ZBBX: variants seen among roughly 807,000 people sequenced by gnomAD.
ZBBX encodes the protein zinc finger B-box domain containing.
Under a neutral mutation model 108.5 loss-of-function variants are expected in ZBBX, and 101 were observed. The ratio of observed to expected loss-of-function variants is 0.93; its 90% CI spans 0.79 to 1.10. The LOEUF (loss-of-function observed/expected upper bound fraction) is 1.10, where lower values mean the gene tolerates loss of function less well. Among genes scored for constraint, ZBBX ranks in the 50% least tolerant of loss-of-function variants. ZBBX has a pLI of 0.00. For missense variants in ZBBX, 1,009 were observed against 941.4 expected (o/e 1.07, Z -0.94); for synonymous variants, 356 against 323.4 (o/e 1.10, Z -1.08).
chr3:167,360,550 A>T (rs1240789505), intron 7 of ZBBX, 125 bp downstream of exon 7: 18 of 483,202 alleles, frequency 3.7e-5, no homozygotes, highest in Non-Finnish European at 5.7e-5. Flanking sequence ...TCAATGTGTC[A>T]TGATTTGGGG....
At chr3:167,286,715 T>G (rs1000711548) in intron 19 of ZBBX, among the ~76,000 whole-genome samples, 6 of 152,136 alleles carry the variant, frequency 3.9e-5, no homozygotes, top group Non-Finnish European at 5.9e-5. Context: ...AATTTCAGAC[T>G]TAATCAATGT....
the ZBBX span, among the ~76,000 whole-genome samples, chr3:167,222,612 G>A: frequency 6.6e-6 from 1 of 151,730 alleles, no homozygotes; most frequent in African/African-American, 2.4e-5. Context: ...AAATGATTGA[G>A]GTGATGAATA....
At chr3:167,386,257 G>T (rs1035084776) in intron 1 of ZBBX, among the ~76,000 whole-genome samples, 10 of 152,012 alleles carry the variant, frequency 6.6e-5, no homozygotes, top group Admixed American at 5.2e-4. Context: ...CTGAAGACTA[G>T]CTACATCCAA....
At chr3:167,291,603 A>G (rs1266070665) in intron 18 of ZBBX, among the ~76,000 whole-genome samples, 1 of 152,174 alleles carries the variant, frequency 6.6e-6, no homozygotes, top group Non-Finnish European at 1.5e-5. Context: ...GCAAAAACCT[A>G]CCAAATTGTA....
At position 167,396,492 on chromosome 3, in the gene ZBBX, G is replaced by A. The variant is rs7630615; in HGVS notation, c.-446+11234C>T. Among the ~76,000 whole-genome samples the A allele has an allele frequency of 4.5e-3, 691 of 152,138 alleles. 4 individuals carry two copies. The highest frequency in any genetic ancestry group is 0.016 in the African/African-American group (655 of 41,544). The stretch of plus-strand genomic sequence containing the variant: ...TCTGCCGGCATTAGATTGAGCACTA[G>A]CAGGGAGAAATTAGCAGTAAAAATG... On this transcript the variant is annotated intron_variant, in intron 1 of 21. Transcript: ENST00000455345.
intron 10 of ZBBX, among the ~76,000 whole-genome samples, chr3:167,328,947 T>G (rs896679488): frequency 6.6e-6 from 1 of 152,230 alleles, no homozygotes; most frequent in African/African-American, 2.4e-5. Flanking sequence ...GTTTATTTAT[T>G]GCCTGTCCTT....
chr3:167,324,698 C>T (rs1737057086), intron 11 of ZBBX, among the ~76,000 whole-genome samples: 1 of 152,254 alleles, frequency 6.6e-6, no homozygotes, highest in East Asian at 1.9e-4. Context: ...TGTGTGCCAA[C>T]ACCTGGCCTC....
intron 4 of ZBBX, 52 bp from the exon 5 acceptor site, chr3:167,368,626 A>C (rs1422327679): frequency 7.0e-7 from 1 of 1,427,050 alleles, no homozygotes; most frequent in African/African-American, 1.5e-5. Context: ...CGAAGCCAAA[A>C]TAATTTTATA....
At chr3:167,380,866 GCACACA>G (rs59349359), upstream of ZBBX, among the ~76,000 whole-genome samples, 1,666 of 141,412 alleles carry the variant, frequency 0.012, 16 homozygotes, top group South Asian at 0.046. Flanking sequence ...GCAAATATAT[GCACACA>G]CACACACACA....
rs1746356566 is a variant in ZBBX at position 167,372,850 on chromosome 3, C to T, written c.52G>A (p.Val18Ile). ...VLPWGKPGNS[V>I]KLKYRNAQEL... ...TGAACTCACCTATATTTTAGCTTTA[C>T]AGAATTTCCAGGTTTTCCCCATGGA... is the stretch of plus-strand genomic sequence containing the variant. Residue 18 changes from valine to isoleucine, a missense_variant, in exon 4 of 22, where the codon GTA becomes ATA. Physicochemically the swap from Val to Ile is conservative, Grantham distance 29. Transcript: ENST00000675490. The T allele has an allele frequency of 6.3e-7, 1 of 1,577,314 alleles. No individual in the cohort carries two copies. Among genetic ancestry groups the T allele is most frequent in the Non-Finnish European group, 8.7e-7 (1 of 1,152,006 alleles).
intron 20 of ZBBX, among the ~76,000 whole-genome samples, chr3:167,259,679 T>C (rs1407620559): frequency 3.3e-5 from 5 of 152,158 alleles, no homozygotes; most frequent in Non-Finnish European, 7.4e-5. Context: ...TGTGTCATTA[T>C]TGTCATTCAG....
chr3:167,339,084 G>C (rs1038722262), intron 9 of ZBBX, among the ~76,000 whole-genome samples: 3 of 152,062 alleles, frequency 2.0e-5, no homozygotes, highest in Non-Finnish European at 4.4e-5. Flanking sequence ...TCGGTAAATA[G>C]GGCAATGATG....
rs1390448355 is a variant in ZBBX, at chr3:167,288,959, T to G, written c.1904A>C (p.His635Pro). The change falls in exon 19 of 22, where the codon CAT (histidine) becomes CCT (proline). Residue 635 changes from histidine (H) to proline (P), a missense_variant. Coordinates refer to ENST00000675490, the MANE Select transcript of ZBBX (RefSeq NM_001199201.2). ...ATTATCAGCATATTCACTTAAGCTA[T>G]GGTCTGGAATCCATTCTCTGTCTTC... ...LAEDREWIPD[H>P]SLSEYADNAI... The G allele has an allele frequency of 3.9e-6, 6 of 1,539,142 alleles. No individual in the cohort carries two copies. The highest frequency in any genetic ancestry group is 5.3e-6 in the Non-Finnish European group (6 of 1,139,720).
At chr3:167,258,764 T>C (rs1723957832) in intron 20 of ZBBX, among the ~76,000 whole-genome samples, 1 of 152,248 alleles carries the variant, frequency 6.6e-6, no homozygotes, top group Non-Finnish European at 1.5e-5. Flanking sequence ...GTGTATGTGG[T>C]GCATCACATT....
intron 9 of ZBBX, among the ~76,000 whole-genome samples, chr3:167,340,882 G>A (rs1000136279): frequency 6.6e-6 from 1 of 151,878 alleles, no homozygotes; most frequent in Non-Finnish European, 1.5e-5. Context: ...AAATAAAATT[G>A]CAATGGAAGA....
chr3:167,401,565 T>C (rs1748425277), intron 1 of ZBBX: 1 of 152,218 alleles, frequency 6.6e-6, no homozygotes, highest in East Asian at 1.9e-4. Context: ...CTCCCCTTTT[T>C]AGACCATATA....
the ZBBX span, among the ~76,000 whole-genome samples, chr3:167,179,587 T>C: frequency 2.6e-3 from 401 of 152,336 alleles, 1 homozygote; most frequent in Non-Finnish European, 3.4e-3. Flanking sequence ...TATTTTCAAT[T>C]AATTGTGTGA....
intron 11 of ZBBX, among the ~76,000 whole-genome samples, chr3:167,327,212 T>C (rs1416437442): frequency 6.6e-6 from 1 of 151,676 alleles, no homozygotes; most frequent in Admixed American, 6.6e-5. Context: ...ATTCTCCTCC[T>C]GAAGTTCATA....
intron 1 of ZBBX, among the ~76,000 whole-genome samples, chr3:167,406,727 G>A (rs1291663561): frequency 6.6e-6 from 1 of 152,202 alleles, no homozygotes; most frequent in African/African-American, 2.4e-5. Flanking sequence ...GATCGCAAAT[G>A]AGTAAGCCCT....
Sources: allele counts gnomAD v4.1 joint callset (sites outside exome capture counted in the v4.1 genomes callset), GRCh38; gene constraint gnomAD v4.1.1; transcripts MANE v1.5; gene names NCBI Gene and HGNC (gene_info 2026-07-23, HGNC 2026-07-21).